FANCI: variants seen among roughly 807,000 people sequenced by gnomAD.
FANCI encodes the protein FA complementation group I.
Under a neutral mutation model 176.1 loss-of-function variants are expected in FANCI, and 156 were observed. The observed-to-expected ratio is 0.89, with a 90% CI of 0.78 to 1.01. The LOEUF (loss-of-function observed/expected upper bound fraction) is 1.01, where lower values mean the gene tolerates loss of function less well. Ranked by LOEUF, FANCI falls within the 50% of genes least tolerant of loss-of-function variation. FANCI has a pLI of 0.00. For synonymous variants in FANCI, 613 were observed against 541.7 expected (o/e 1.13, Z -1.83); for missense variants, 1,678 against 1,534.1 (o/e 1.09, Z -1.57).
At chr15:89,307,314 G>A (rs1205594260) in intron 32 of FANCI, among the ~76,000 whole-genome samples, 162 bp from the exon 33 acceptor site, 1 of 152,182 alleles carries the variant, frequency 6.6e-6, no homozygotes, top group African/African-American at 2.4e-5. Context: ...AAGCTTAGGA[G>A]CTTTGGAGGA....
chr15:89,287,932 C>G (rs1300956235), intron 18 of FANCI, among the ~76,000 whole-genome samples: 1 of 152,094 alleles, frequency 6.6e-6, no homozygotes, highest in African/African-American at 2.4e-5. Context: ...TATCATAGAT[C>G]CCCATAACAC....
chr15:89,299,990 T>C, intron 25 of FANCI, 24 bp downstream of exon 25: 1 of 1,613,256 alleles, frequency 6.2e-7, no homozygotes, highest in South Asian at 1.1e-5. Context: ...TATCAATAAA[T>C]AGGCTTGATT....
In FANCI at chr15:89,301,397, G is replaced by T. The variant is rs144736769; in HGVS notation, c.2961G>T (p.Thr987=). The T allele has an allele frequency of 7.4e-6, 12 of 1,613,624 alleles. No homozygotes were observed. The African/African-American group carries it at 1.5e-4, about 20-fold the overall frequency. ...FNSKEALLLV[T]VLTSLSKLLE... ...GCAAAGAAGCCCTCCTGCTAGTCACGGTTCTTACCAGTTTGTCCAAGTTAC... is the reference window on the plus strand; with the variant it reads ...GCAAAGAAGCCCTCCTGCTAGTCACTGTTCTTACCAGTTTGTCCAAGTTAC... The change falls in exon 27 of 38, where the codon ACG becomes ACT. Residue 987 remains threonine, a synonymous_variant. Transcript: ENST00000310775.
At chr15:89,293,091 A>G in intron 22 of FANCI, 28 bp downstream of exon 22, 1 of 1,608,224 alleles carries the variant, frequency 6.2e-7, no homozygotes, top group Non-Finnish European at 8.5e-7. Flanking sequence ...CTCCATTTGT[A>G]ATTTGATGAA....
chr15:89,267,611 AT>A (rs1266159174), intron 9 of FANCI, among the ~76,000 whole-genome samples: 1 of 152,028 alleles, frequency 6.6e-6, no homozygotes, highest in Non-Finnish European at 1.5e-5. Flanking sequence ...GACTATACAC[AT>A]TTATTTTACG....
In FANCI at chr15:89,263,403, C is replaced by T. The variant is rs1293392490; in HGVS notation, c.504-16C>T. ...TAAGTTGTAAAGAAATAAACTTTGT[C>T]ATTTTCTTCTACCAGGTGGGATCAG... On this transcript the variant is annotated splice_polypyrimidine_tract_variant and intron_variant, in intron 6 of 37. Transcript: ENST00000310775. The T allele has an allele frequency of 6.2e-7, 1 of 1,608,116 alleles. No individual in the cohort carries two copies. The highest frequency in any genetic ancestry group is 1.3e-5 in the African/African-American group (1 of 74,926).
chr15:89,265,264 T>C (rs907518081), intron 9 of FANCI, among the ~76,000 whole-genome samples: 7 of 152,070 alleles, frequency 4.6e-5, no homozygotes, highest in African/African-American at 1.7e-4. Flanking sequence ...CTGGAGTACA[T>C]TGGCATGATC....
At chr15:89,256,473 A>G (rs906680774) in intron 2 of FANCI, among the ~76,000 whole-genome samples, 5 of 152,204 alleles carry the variant, frequency 3.3e-5, no homozygotes, top group Admixed American at 2.0e-4. Context: ...TACTTGTGGA[A>G]GAGAGAGTTT....
intron 25 of FANCI, 129 bp downstream of exon 25, chr15:89,300,095 G>T: frequency 8.9e-7 from 1 of 1,127,236 alleles, no homozygotes; most frequent in Non-Finnish European, 1.3e-6. Context: ...GTGACATCTA[G>T]TGGATTCAGG....
chr15:89,272,204 A>G (rs1191408513), intron 10 of FANCI, among the ~76,000 whole-genome samples: 1 of 152,186 alleles, frequency 6.6e-6, no homozygotes, highest in Non-Finnish European at 1.5e-5. Context: ...ACTGATGATA[A>G]TTGAGCATCT....
chr15:89,246,843 G>A (rs2052005383), intron 1 of FANCI, among the ~76,000 whole-genome samples: 1 of 138,462 alleles, frequency 7.2e-6, no homozygotes, highest in South Asian at 2.2e-4. Context: ...TCCGCTCACT[G>A]CAAGCTCCTC....
intron 16 of FANCI, 68 bp downstream of exon 16, chr15:89,281,903 C>G: frequency 7.2e-7 from 1 of 1,383,800 alleles, no homozygotes; most frequent in Non-Finnish European, 1.0e-6. Flanking sequence ...GTTATCTCTG[C>G]CATCTCCTAG....
At chr15:89,268,666 C>A in intron 10 of FANCI, 141 bp downstream of exon 10, 2 of 956,954 alleles carry the variant, frequency 2.1e-6, no homozygotes, top group Non-Finnish European at 3.1e-6. Flanking sequence ...TTTTTTTTTA[C>A]TTTAAAAGTG....
intron 24 of FANCI, among the ~76,000 whole-genome samples, 172 bp downstream of exon 24, chr15:89,295,266 C>T (rs957782404): frequency 2.0e-5 from 3 of 151,480 alleles, no homozygotes; most frequent in Admixed American, 6.6e-5. Flanking sequence ...ACTCAGGAAG[C>T]TGAGGCAAGA....
At chr15:89,283,453 C>A (rs951889688) in intron 17 of FANCI, among the ~76,000 whole-genome samples, 1 of 152,124 alleles carries the variant, frequency 6.6e-6, no homozygotes. Context: ...GTATGCTAAA[C>A]TGTGCTATCC....
At chr15:89,248,985 G>C (rs1206775243) in intron 2 of FANCI, among the ~76,000 whole-genome samples, 1 of 152,134 alleles carries the variant, frequency 6.6e-6, no homozygotes, top group Non-Finnish European at 1.5e-5. Context: ...GATCAGCTTA[G>C]GCAACATAGT....
intron 11 of FANCI, 34 bp from the exon 12 acceptor site, chr15:89,274,134 A>T (rs1021247383): frequency 6.9e-6 from 10 of 1,449,398 alleles, no homozygotes; most frequent in Non-Finnish European, 7.5e-6. Context: ...TTATTTATTT[A>T]TTTTTTCATT....
rs1167934103 is a variant in FANCI at position 89,305,079 on chromosome 15, A to T, written c.3059-36A>T. On this transcript the variant is annotated intron_variant, in intron 28 of 37. Coordinates refer to ENST00000310775, the MANE Select transcript of FANCI (RefSeq NM_001113378.2). Reference sequence around the variant, plus strand: ...GCGTGAGCCACTGCACTTGGCCACAACTTACCTTTTAATTTGCTTTTCTTC... The same window carrying T: ...GCGTGAGCCACTGCACTTGGCCACATCTTACCTTTTAATTTGCTTTTCTTC... 2.5e-6 allele frequency: 4 copies of T among 1,611,792 alleles called. No homozygotes were observed. In the East Asian group the frequency reaches 6.7e-5, roughly 27 times the overall value.
chr15:89,305,502 C>G lies in FANCI; in HGVS notation c.3255+93C>G, dbSNP rs2108599. The G allele has an allele frequency of 7.6e-3, 12,193 of 1,602,266 alleles. 687 individuals are homozygous for G. The African/African-American group carries it at 0.13, about 17-fold the overall frequency. ...ACTTGTGTCCTATAGCGGCTTGTGT[C>G]CTGAGGCCTGTAACCCACCTGTAGG... is the stretch of plus-strand genomic sequence containing the variant. On this transcript the variant is annotated intron_variant, in intron 30 of 37. Coordinates refer to ENST00000310775, the MANE Select transcript of FANCI (RefSeq NM_001113378.2).
Sources: allele counts gnomAD v4.1 joint callset (sites outside exome capture counted in the v4.1 genomes callset), GRCh38; gene constraint gnomAD v4.1.1; transcripts MANE v1.5; gene names NCBI Gene and HGNC (gene_info 2026-07-23, HGNC 2026-07-21).